The following ERCC6 variants were observed in gnomAD, a reference collection of about 807,000 sequenced individuals.
The protein encoded by ERCC6 is ERCC excision repair 6, chromatin remodeling factor, also known as DNA excision repair protein ERCC-6.
In ERCC6, 116 loss-of-function variants were observed where a neutral mutation model predicts 158.7. The ratio of observed to expected loss-of-function variants is 0.73; its 90% CI spans 0.63 to 0.85. The LOEUF is 0.85. Ranked by LOEUF, ERCC6 falls within the 40% of genes least tolerant of loss-of-function variation. The pLI is 0.00. For missense variants in ERCC6, 1,698 were observed against 1,799.4 expected, an observed-to-expected ratio of 0.94 and a Z score of 1.02; for synonymous variants, 678 against 659.3, an observed-to-expected ratio of 1.03 and a Z score of -0.43.
At chr10:49,523,881 C>A in intron 5 of ERCC6, 152 bp downstream of exon 5, 1 of 1,164,712 alleles carries the variant, frequency 8.6e-7, no homozygotes, top group Admixed American at 2.1e-5. Context: ...GGCCCCACTG[C>A]TTCTAGCAGG....
At chr10:49,448,922 G>A in the ERCC6 span, among the ~76,000 whole-genome samples, 18 of 152,166 alleles carry the variant, frequency 1.2e-4, no homozygotes, top group South Asian at 4.1e-4. Context: ...TGGCTATTAC[G>A]AACAATGCTG....
At chr10:49,508,500 C>T (rs772846743) in intron 5 of ERCC6, among the ~76,000 whole-genome samples, 3 of 152,086 alleles carry the variant, frequency 2.0e-5, no homozygotes, top group African/African-American at 7.2e-5. Flanking sequence ...TAGTGCCTTC[C>T]GCTTCATAAA....
intron 8 of ERCC6, among the ~76,000 whole-genome samples, chr10:49,488,974 C>T (rs1332798901): frequency 6.6e-6 from 1 of 152,062 alleles, no homozygotes; most frequent in Non-Finnish European, 1.5e-5. Flanking sequence ...TTAGTAGAGA[C>T]GGGGTTTCAC....
intron 5 of ERCC6, chr10:49,517,061 G>A: frequency 4.3e-6 from 7 of 1,611,406 alleles, no homozygotes; most frequent in Non-Finnish European, 5.9e-6. Flanking sequence ...CTTCTATGCT[G>A]TCATCTGTCT....
At chr10:49,483,216 C>A in intron 9 of ERCC6, 130 bp downstream of exon 9, 2 of 985,842 alleles carry the variant, frequency 2.0e-6, no homozygotes, top group Non-Finnish European at 3.1e-6. Context: ...AAGGAAAATG[C>A]ACATTTTAAA....
chr10:49,482,852 A>C lies in ERCC6; in HGVS notation c.2004T>G (p.Pro668=). 1 of 1,614,108 alleles carries C rather than the reference A, an allele frequency of 6.2e-7. No individual in the cohort carries two copies. The highest frequency in any genetic ancestry group is 8.5e-7 in the Non-Finnish European group (1 of 1,179,972). Residue 668 remains proline, a synonymous_variant, in exon 10 of 21, where the codon CCT becomes CCG. Transcript: ENST00000355832. ...GTGAGCCAGACAGAATGATCCGATG[A>C]GGGGTGCGAAACTATTTGAGGAAAG... ...VTLACKQFRT[P]HRIILSGSPM...
chr10:49,498,105 A>G (rs977985808), intron 7 of ERCC6, among the ~76,000 whole-genome samples: 1 of 152,228 alleles, frequency 6.6e-6, no homozygotes, highest in African/African-American at 2.4e-5. Flanking sequence ...CAACCAGTAC[A>G]GATGTTTATT....
intron 7 of ERCC6, among the ~76,000 whole-genome samples, chr10:49,495,473 A>G (rs1422980672): frequency 6.6e-6 from 1 of 152,042 alleles, no homozygotes; most frequent in Non-Finnish European, 1.5e-5. Context: ...TACCCCTTCT[A>G]TCTCACTAAT....
At chr10:49,449,560 C>CT (rs71026248), downstream of ERCC6, among the ~76,000 whole-genome samples, 4,209 of 68,052 alleles carry the variant, frequency 0.062, 871 homozygotes, top group African/African-American at 0.071. Context: ...ATAGTTAGGT[C>CT]TTTTTTTTTT....
In ERCC6 at chr10:49,458,506, C is replaced by A. The variant is rs1023299715; in HGVS notation, c.*309G>T. 2 of 340,302 alleles carry A rather than the reference C, an allele frequency of 5.9e-6. No homozygotes were observed. Among genetic ancestry groups the A allele is most frequent in the Admixed American group, 4.5e-5 (1 of 22,228 alleles). 21.1% of individuals were successfully genotyped at this position (340,302 alleles called of 1,614,324 possible). ...AACTTCTAACTGTGCTCCCTGACAGCATCTTTTGGGTAAAGGAACAAATGT... is the reference window on the plus strand; with the variant it reads ...AACTTCTAACTGTGCTCCCTGACAGAATCTTTTGGGTAAAGGAACAAATGT... On this transcript the variant is annotated 3_prime_UTR_variant, in exon 21 of 21. Transcript: ENST00000355832.
rs952656206 is a variant in ERCC6 at position 49,472,954 on chromosome 10, T to C, written c.2784A>G (p.Arg928=). 3.7e-6 allele frequency: 6 copies of C among 1,614,022 alleles called. No homozygotes were observed. In the Middle Eastern group the frequency reaches 5.0e-4, roughly 133 times the overall value. ...GLGVNLTGAN[R]VVIYDPDWNP... is the part of the protein sequence containing the mutation. ...TCCAGTCTGGGTCATAGATGACAAC[T>C]CTGTTTGCCCCCGTCAGGTTGACAC... The change falls in exon 15 of 21, where the codon AGA becomes AGG. Residue 928 remains arginine (R), a synonymous_variant. Coordinates refer to ENST00000355832, the MANE Select transcript of ERCC6 (RefSeq NM_000124.4).
chr10:49,473,123 G>A (rs183489509), intron 14 of ERCC6, 95 bp from the exon 15 acceptor site: 1 of 1,555,318 alleles, frequency 6.4e-7, no homozygotes. Flanking sequence ...GGAATTACTG[G>A]GCTGTTCCCA....
intron 1 of ERCC6, among the ~76,000 whole-genome samples, chr10:49,536,009 G>A (rs373791746): frequency 3.9e-5 from 6 of 152,274 alleles, no homozygotes; most frequent in Admixed American, 1.3e-4. Context: ...CCAGCTACTC[G>A]GGAGGCTGAG....
At chr10:49,525,463 G>C (rs1481583978) in intron 4 of ERCC6, among the ~76,000 whole-genome samples, 1 of 152,160 alleles carries the variant, frequency 6.6e-6, no homozygotes, top group Non-Finnish European at 1.5e-5. Flanking sequence ...TGTTAGATAT[G>C]TGAAGTTAAC....
At chr10:49,436,012 GAAAGAAA>G in the ERCC6 span, among the ~76,000 whole-genome samples, 1 of 24,976 alleles carries the variant, frequency 4.0e-5, no homozygotes, top group Non-Finnish European at 8.6e-5. Context: ...AAAAAAGAAA[GAAAGAAA>G]AAAAAAAAAA....
chr10:49,517,438 CAT>C (rs543083780), intron 5 of ERCC6, among the ~76,000 whole-genome samples: 77 of 152,268 alleles, frequency 5.1e-4, no homozygotes, highest in African/African-American at 1.8e-3. Flanking sequence ...CAAGTGATAA[CAT>C]GTACCCTCAG....
Position 49,470,287 on chromosome 10 carries a change from G to A in ERCC6, c.3673C>T (p.Leu1225=), listed in dbSNP as rs1401809883. The change falls in exon 18 of 21, where the codon CTG becomes TTG. Residue 1225 remains leucine, a synonymous_variant. Coordinates refer to ENST00000355832, the MANE Select transcript of ERCC6 (RefSeq NM_000124.4). The stretch of plus-strand genomic sequence containing the variant: ...TTCTGGTAACGCCTTTTCTTCACCA[G>A]GTGTGGAATTCGAGTTCCTTCAAAC... ...AKFEGTRIPH[L]VKKRRYQKQD... 6.2e-7 allele frequency: 1 copy of A among 1,614,084 alleles called. No individual in the cohort carries two copies. The highest frequency in any genetic ancestry group is 8.5e-7 in the Non-Finnish European group (1 of 1,180,004).
intron 1 of ERCC6, among the ~76,000 whole-genome samples, chr10:49,536,426 A>T (rs562070360): frequency 1.8e-3 from 277 of 152,296 alleles, no homozygotes; most frequent in African/African-American, 6.3e-3. Context: ...AGAAATGAAC[A>T]GGAGGCACAA....
chr10:49,476,045 T>TA (rs1357580999), intron 12 of ERCC6, among the ~76,000 whole-genome samples, 170 bp downstream of exon 12: 1 of 152,216 alleles, frequency 6.6e-6, no homozygotes, highest in Non-Finnish European at 1.5e-5. Flanking sequence ...CTCTGCACCT[T>TA]ACGGCTCCAG....
Sources: allele counts gnomAD v4.1 joint callset (sites outside exome capture counted in the v4.1 genomes callset), GRCh38; gene constraint gnomAD v4.1.1; transcripts MANE v1.5; gene names NCBI Gene and HGNC (gene_info 2026-07-23, HGNC 2026-07-21).